CFAP299: variants seen among roughly 807,000 people sequenced by gnomAD.
The protein encoded by CFAP299 is cilia and flagella associated protein 299, also known as cilia- and flagella-associated protein 299.
CFAP299 carries 21 observed loss-of-function variants against 27.0 expected under a neutral mutation model. The ratio of observed to expected loss-of-function variants is 0.78; its 90% CI spans 0.55 to 1.12. The LOEUF (loss-of-function observed/expected upper bound fraction) is 1.12, where lower values mean the gene tolerates loss of function less well. Among genes scored for constraint, CFAP299 ranks in the 50% most tolerant of loss-of-function variants. CFAP299 has a pLI of 0.00. For synonymous variants in CFAP299, 104 were observed against 98.1 expected, an observed-to-expected ratio of 1.06 and a Z score of -0.36; for missense variants, 310 against 276.6, an observed-to-expected ratio of 1.12 and a Z score of -0.86.
At chr4:80,459,653 A>T (rs574534662) in intron 2 of CFAP299, among the ~76,000 whole-genome samples, 8 of 152,260 alleles carry the variant, frequency 5.3e-5, no homozygotes, top group Non-Finnish European at 1.2e-4. Context: ...CACTAACAAT[A>T]TTAAACTTAA....
intron 3 of CFAP299, among the ~76,000 whole-genome samples, chr4:80,690,131 C>G (rs1325921610): frequency 6.9e-6 from 1 of 145,032 alleles, no homozygotes. Flanking sequence ...TTAGGCAGAT[C>G]AACGAGACAG....
chr4:80,726,229 A>G, intron 3 of CFAP299, among the ~76,000 whole-genome samples: 1 of 152,110 alleles, frequency 6.6e-6, no homozygotes, highest in East Asian at 1.9e-4. Context: ...TCATGCTGTC[A>G]TATTTGACCA....
chr4:80,321,300 C>A, the CFAP299 span, among the ~76,000 whole-genome samples: 1 of 152,198 alleles, frequency 6.6e-6, no homozygotes, highest in African/African-American at 2.4e-5. Flanking sequence ...TCAAATGTAT[C>A]TTTGATGATC....
chr4:80,575,549 G>T (rs1445728961), intron 2 of CFAP299, among the ~76,000 whole-genome samples: 1 of 150,632 alleles, frequency 6.6e-6, no homozygotes, highest in African/African-American at 2.4e-5. Context: ...TTTTTTCGCA[G>T]TCTGGCTAGA....
At chr4:80,477,183 C>T (rs1730325960) in intron 2 of CFAP299, among the ~76,000 whole-genome samples, 1 of 152,068 alleles carries the variant, frequency 6.6e-6, no homozygotes, top group Admixed American at 6.6e-5. Context: ...CCACCTCAGT[C>T]CCCAAGTAGT....
intron 3 of CFAP299, among the ~76,000 whole-genome samples, chr4:80,600,476 C>A (rs559149068): frequency 1.3e-5 from 2 of 152,128 alleles, no homozygotes; most frequent in African/African-American, 2.4e-5. Context: ...TGACAGTGTA[C>A]GTTTATTTTC....
chr4:80,371,841 C>A (rs2110009798), intron 2 of CFAP299, among the ~76,000 whole-genome samples: 1 of 152,300 alleles, frequency 6.6e-6, no homozygotes, highest in East Asian at 1.9e-4. Context: ...AGATTCCCCT[C>A]ATTTTCCTGT....
chr4:80,939,607 A>C (rs989056426), intron 4 of CFAP299, among the ~76,000 whole-genome samples: 1 of 152,148 alleles, frequency 6.6e-6, no homozygotes. Context: ...TTGAGCTCAT[A>C]TGACTATTTT....
chr4:80,695,493 C>T (rs930824109), intron 3 of CFAP299, among the ~76,000 whole-genome samples: 1 of 152,086 alleles, frequency 6.6e-6, no homozygotes, highest in Non-Finnish European at 1.5e-5. Context: ...AGAATAAGAC[C>T]CGAATGGATG....
At chr4:80,650,738 ATCTT>A (rs1306350043) in intron 3 of CFAP299, among the ~76,000 whole-genome samples, 2 of 152,144 alleles carry the variant, frequency 1.3e-5, no homozygotes, top group African/African-American at 4.8e-5. Flanking sequence ...CCTAAGTAGT[ATCTT>A]TGTTTTCTTT....
intron 2 of CFAP299, among the ~76,000 whole-genome samples, chr4:80,436,592 G>C (rs1028253988): frequency 1.3e-5 from 2 of 152,142 alleles, no homozygotes; most frequent in Admixed American, 6.5e-5. Context: ...GTGAGCCACC[G>C]TGCCTGGCCA....
intron 4 of CFAP299, among the ~76,000 whole-genome samples, chr4:80,893,095 T>C (rs1305544396): frequency 6.6e-6 from 1 of 151,198 alleles, no homozygotes. Flanking sequence ...AACAACAAAC[T>C]ATCTAAAGAA....
intron 2 of CFAP299, among the ~76,000 whole-genome samples, chr4:80,467,943 T>C (rs1320869498): frequency 6.6e-6 from 1 of 152,268 alleles, no homozygotes; most frequent in East Asian, 1.9e-4. Context: ...GAGAACATCA[T>C]AGGGAAAACT....
chr4:80,925,193 C>T (rs1367599092), intron 4 of CFAP299, among the ~76,000 whole-genome samples: 1 of 151,854 alleles, frequency 6.6e-6, no homozygotes, highest in African/African-American at 2.4e-5. Context: ...CTTGTTGAAG[C>T]TTTCTAATTT....
chr4:80,603,505 T>G (rs1737478395), intron 3 of CFAP299, among the ~76,000 whole-genome samples: 1 of 152,210 alleles, frequency 6.6e-6, no homozygotes, highest in African/African-American at 2.4e-5. Flanking sequence ...GATGATCCCA[T>G]GATCACATTG....
chr4:80,763,642 A>ATGGAACCAAAAAAGAGCTCATATG (rs1398948803), intron 3 of CFAP299, among the ~76,000 whole-genome samples: 25 of 152,146 alleles, frequency 1.6e-4, no homozygotes, highest in Non-Finnish European at 2.6e-4. Context: ...GAGCTCATAT[A>ATGGAACCAAAAAAGAGCTCATATG]GCCAAGACAA....
intron 2 of CFAP299, among the ~76,000 whole-genome samples, chr4:80,535,552 A>T (rs2110192614): frequency 6.6e-6 from 1 of 151,104 alleles, no homozygotes; most frequent in East Asian, 2.0e-4. Flanking sequence ...ATCACTCTCT[A>T]GCCATGTTTC....
Position 80,346,869 on chromosome 4 carries a change from G to A in CFAP299, c.111+10990G>A, listed in dbSNP as rs557221185. Among the ~76,000 whole-genome samples the A allele has an allele frequency of 7.2e-5, 11 of 152,246 alleles. No individual in the cohort carries two copies. In the East Asian group the frequency reaches 1.9e-3, roughly 27 times the overall value. On this transcript the variant is annotated intron_variant, in intron 1 of 5. Coordinates refer to ENST00000358105, the MANE Select transcript of CFAP299 (RefSeq NM_152770.3). The stretch of plus-strand genomic sequence containing the variant: ...ATCTATAAATTACCTTGGGCAGTAT[G>A]GCCATTTTCACAATATTGATTCTTC...
intron 3 of CFAP299, among the ~76,000 whole-genome samples, chr4:80,730,198 T>G (rs928271461): frequency 1.3e-5 from 2 of 151,700 alleles, no homozygotes; most frequent in African/African-American, 4.8e-5. Context: ...TTCTCTTTTT[T>G]CCCTGCCTGT....
Sources: gnomAD v4.1 joint callset for allele counts (sites outside exome capture counted in the v4.1 genomes callset) on GRCh38, gnomAD v4.1.1 for gene constraint, MANE v1.5 for transcripts, NCBI Gene and HGNC (gene_info 2026-07-23, HGNC 2026-07-21) for gene names.